The following GRIK1 variants were observed in gnomAD, a reference collection of about 807,000 sequenced individuals.
The protein encoded by GRIK1 is glutamate ionotropic receptor kainate type subunit 1.
In GRIK1, 69 loss-of-function variants were observed where a neutral mutation model predicts 105.7. That is an observed-to-expected ratio of 0.65 (90% CI 0.54 to 0.80). GRIK1 has a LOEUF of 0.80. Ranked by LOEUF, GRIK1 falls within the 30% of genes least tolerant of loss-of-function variation. The probability of loss-of-function intolerance (pLI) is 0.00; values close to 1 mark genes in which losing one functional copy is unlikely to be tolerated. For synonymous variants in GRIK1, 438 were observed against 431.3 expected, an observed-to-expected ratio of 1.02 and a Z score of -0.19; for missense variants, 1,109 against 1,167.3, an observed-to-expected ratio of 0.95 and a Z score of 0.73.
intron 1 of GRIK1, among the ~76,000 whole-genome samples, chr21:29,865,871 A>T (rs572265274): frequency 1.3e-5 from 2 of 152,294 alleles, no homozygotes; most frequent in East Asian, 3.9e-4. Flanking sequence ...TTGTATAAAG[A>T]TCTTCACCAT....
chr21:29,557,669 A>G (rs2090290653), intron 15 of GRIK1, among the ~76,000 whole-genome samples: 1 of 152,214 alleles, frequency 6.6e-6, no homozygotes, highest in Non-Finnish European at 1.5e-5. Flanking sequence ...ATGGCTTATC[A>G]AGAGTATGAA....
chr21:29,765,893 C>T (rs968852328), intron 1 of GRIK1, among the ~76,000 whole-genome samples: 1 of 141,318 alleles, frequency 7.1e-6, no homozygotes, highest in Admixed American at 6.9e-5. Context: ...GCTCTGTCAC[C>T]CAGGCTGGAG....
Position 29,647,725 on chromosome 21 carries a change from T to C in GRIK1, c.954+3393A>G, listed in dbSNP as rs557203087. On this transcript the variant is annotated intron_variant, in intron 6 of 17. Transcript: ENST00000327783. ...AAGCTGAAAGGTCGAATCAGCCCAA[T>C]TGCTGAGAAAAATGTAAACATTATA... 2.0e-4 allele frequency among the ~76,000 whole-genome samples: 31 copies of C among 152,296 alleles called. No individual in the cohort carries two copies. In the East Asian group the frequency reaches 4.6e-3, roughly 23 times the overall value.
chr21:29,745,200 G>T (rs996434046), intron 1 of GRIK1, among the ~76,000 whole-genome samples: 1 of 152,088 alleles, frequency 6.6e-6, no homozygotes, highest in Non-Finnish European at 1.5e-5. Context: ...GGGACTGGGG[G>T]TGCCCTCTGG....
intron 1 of GRIK1, among the ~76,000 whole-genome samples, chr21:29,730,511 T>C (rs2064587608): frequency 6.6e-6 from 1 of 152,220 alleles, no homozygotes; most frequent in Non-Finnish European, 1.5e-5. Flanking sequence ...AGATTTCAAA[T>C]AGCCGATTAC....
intron 1 of GRIK1, among the ~76,000 whole-genome samples, chr21:29,750,846 G>A (rs112507041): frequency 0.011 from 1,666 of 152,300 alleles, 35 homozygotes; most frequent in African/African-American, 0.038. Flanking sequence ...ACTCTCGTCC[G>A]TGTGAAGAGA....
At position 29,648,652 on chromosome 21, in the gene GRIK1, C is replaced by T. The variant is rs544199692; in HGVS notation, c.954+2466G>A. 5.3e-5 allele frequency among the ~76,000 whole-genome samples: 8 copies of T among 152,230 alleles called. No homozygotes were observed. The South Asian group carries it at 1.7e-3, about 32-fold the overall frequency. On this transcript the variant is annotated intron_variant, in intron 6 of 17. Transcript: ENST00000327783. ...CATAAAAGACACTTTTATGAAGTGTCTATTCTTGTAGGGAAGGTACTGAAC... is the reference window on the plus strand; with the variant it reads ...CATAAAAGACACTTTTATGAAGTGTTTATTCTTGTAGGGAAGGTACTGAAC...
At chr21:29,796,605 G>C (rs2066563895) in intron 1 of GRIK1, among the ~76,000 whole-genome samples, 1 of 151,472 alleles carries the variant, frequency 6.6e-6, no homozygotes, top group Admixed American at 6.6e-5. Flanking sequence ...TTTTTTTCTT[G>C]GTTTCCATTA....
intron 1 of GRIK1, among the ~76,000 whole-genome samples, chr21:29,901,920 C>G (rs2070425193): frequency 6.6e-6 from 1 of 151,364 alleles, no homozygotes; most frequent in African/African-American, 2.4e-5. Flanking sequence ...GCAAACCAAT[C>G]CAGCAGCACA....
intron 1 of GRIK1, among the ~76,000 whole-genome samples, chr21:29,795,996 A>G (rs1207819344): frequency 1.3e-5 from 2 of 152,168 alleles, no homozygotes; most frequent in African/African-American, 4.8e-5. Flanking sequence ...CCACATTTGT[A>G]CATTATCACC....
In GRIK1 at chr21:29,693,927, G is replaced by T. The variant is rs770398229; in HGVS notation, c.255C>A (p.Asn85Lys). The change falls in exon 2 of 18, where the codon AAC (asparagine) becomes AAA (lysine). Residue 85 changes from asparagine to lysine, a missense_variant. By Grantham distance (94) the Asn-to-Lys change is moderately conservative. Around this residue, in one of 5 missense-constraint regions of GRIK1, gnomAD observed 612 missense variants for 586.0 expected, o/e 1.04. Coordinates refer to ENST00000327783, the MANE Select transcript of GRIK1 (RefSeq NM_001330994.2). Reference protein sequence around the residue: ...TTLTYDIQRINLFDSFEASRR... With the variant: ...TTLTYDIQRIKLFDSFEASRR... ...GCGAGGCTTCAAAACTATCAAAAAGGTTAATTCTCTGGATGTCATAGGTTA... is the reference window on the plus strand; with the variant it reads ...GCGAGGCTTCAAAACTATCAAAAAGTTTAATTCTCTGGATGTCATAGGTTA... The T allele has an allele frequency of 3.7e-6, 6 of 1,613,504 alleles. No homozygotes were observed. The South Asian group carries it at 4.4e-5, about 12-fold the overall frequency.
intron 1 of GRIK1, among the ~76,000 whole-genome samples, chr21:29,779,267 G>C (rs543635705): frequency 1.3e-5 from 2 of 152,276 alleles, no homozygotes; most frequent in African/African-American, 4.8e-5. Flanking sequence ...TGAAATGCCT[G>C]TGATAAGTCA....
chr21:29,653,985 C>A (rs948806278), intron 5 of GRIK1, among the ~76,000 whole-genome samples: 1 of 152,300 alleles, frequency 6.6e-6, no homozygotes, highest in South Asian at 2.1e-4. Context: ...AATTCCCCTA[C>A]TCACTAGCTT....
At chr21:29,643,020 C>T (rs761832547) in intron 6 of GRIK1, 51 bp from the exon 7 acceptor site, 18 of 1,561,620 alleles carry the variant, frequency 1.2e-5, no homozygotes, top group Non-Finnish European at 1.6e-5. Flanking sequence ...TGCTTACCTT[C>T]CTTTACTTGC....
intron 1 of GRIK1, among the ~76,000 whole-genome samples, chr21:29,895,361 C>T (rs2070099637): frequency 6.6e-6 from 1 of 152,168 alleles, no homozygotes; most frequent in African/African-American, 2.4e-5. Flanking sequence ...CGTCAAAATC[C>T]TTGAGAATCA....
chr21:29,782,086 CT>C (rs35928677), intron 1 of GRIK1, among the ~76,000 whole-genome samples: 5,527 of 136,884 alleles, frequency 0.04, 303 homozygotes, highest in African/African-American at 0.13. Context: ...ACTGCAACAC[CT>C]TTTTTTTTTT....
In GRIK1 at chr21:29,939,876, G is replaced by C. The variant is rs2071917930; in HGVS notation, c.-376C>G. ...TCCTTTGGTCAGATGCAAAAGTCGG[G>C]GGATAGGCACAGACAGAGGAGGGAA... On this transcript the variant is annotated 5_prime_UTR_variant, in exon 1 of 18. Transcript: ENST00000327783. 5.5e-6 allele frequency: 1 copy of C among 182,668 alleles called. No individual in the cohort carries two copies. Among genetic ancestry groups the C allele is most frequent in the African/African-American group, 2.4e-5 (1 of 42,362 alleles). 11.3% of individuals were successfully genotyped at this position (182,668 alleles called of 1,614,324 possible).
intron 7 of GRIK1, among the ~76,000 whole-genome samples, chr21:29,612,987 C>A (rs540318721): frequency 1.7e-4 from 26 of 152,178 alleles, no homozygotes; most frequent in Non-Finnish European, 3.4e-4. Flanking sequence ...AATCAAATGA[C>A]TGGGGCTTGA....
chr21:29,681,280 T>G (rs991037628), intron 3 of GRIK1, among the ~76,000 whole-genome samples: 2 of 152,218 alleles, frequency 1.3e-5, no homozygotes, highest in African/African-American at 2.4e-5. Flanking sequence ...TTATCCACCC[T>G]CTGCTCAAAA....
Sources: gnomAD v4.1 joint callset for allele counts (sites outside exome capture counted in the v4.1 genomes callset) on GRCh38, gnomAD v4.1.1 for gene constraint, gnomAD v4.1.1 regional missense constraint, MANE v1.5 for transcripts, NCBI Gene and HGNC (gene_info 2026-07-23, HGNC 2026-07-21) for gene names.